Variants in TRPS1 observed in about 807,000 individuals in gnomAD.
The protein encoded by TRPS1 is zinc finger transcription factor Trps1.
TRPS1 carries 6 observed loss-of-function variants against 101.2 expected under a neutral mutation model. The ratio of observed to expected loss-of-function variants is 0.06; its 90% CI spans 0.03 to 0.12. TRPS1 has a LOEUF of 0.12. Among genes scored for constraint, TRPS1 ranks in the 10% least tolerant of loss-of-function variants. TRPS1 has a pLI of 1.00. For missense variants in TRPS1, 1,363 were observed against 1,567.0 expected (o/e 0.87, Z 2.20); for synonymous variants, 578 against 589.8 (o/e 0.98, Z 0.29).
intron 5 of TRPS1, among the ~76,000 whole-genome samples, chr8:115,507,082 A>C (rs1055769990): frequency 2.0e-5 from 3 of 152,130 alleles, no homozygotes; most frequent in Admixed American, 6.5e-5. Context: ...ACTCATTTCT[A>C]TTCACAAAGA....
intron 5 of TRPS1, among the ~76,000 whole-genome samples, chr8:115,549,433 T>C (rs1255923462): frequency 6.6e-6 from 1 of 152,184 alleles, no homozygotes; most frequent in Non-Finnish European, 1.5e-5. Flanking sequence ...CCATAAATTC[T>C]TCTAAGCAAA....
Position 115,604,075 on chromosome 8 carries a change from A to C in TRPS1, c.1894T>G (p.Cys632Gly), listed in dbSNP as rs2130490736. Residue 632 changes from cysteine (C) to glycine (G), a missense_variant, in exon 4 of 7, where the codon TGT becomes GGT. Coordinates refer to ENST00000395715, the MANE Select transcript of TRPS1 (RefSeq NM_014112.5). The surrounding 1 kb of genome is among the most constrained non-coding windows in gnomAD (Gnocchi z 4.1). ...TCTACGTCAGGGGTGGTGAATGAAC[A>C]CTGATGGCACTGATGTTTGACTCGC... ...SSRVKHQCHQ[C>G]SFTTPDVDVL... 6.2e-7 allele frequency: 1 copy of C among 1,614,066 alleles called. No individual in the cohort carries two copies. Among genetic ancestry groups the C allele is most frequent in the Non-Finnish European group, 8.5e-7 (1 of 1,179,980 alleles).
intron 5 of TRPS1, among the ~76,000 whole-genome samples, chr8:115,556,029 T>G (rs535272427): frequency 1.3e-5 from 2 of 151,734 alleles, no homozygotes; most frequent in South Asian, 4.2e-4. Flanking sequence ...TGAAAAAAAA[T>G]AAAATAAAAT....
chr8:115,525,361 C>G (rs1445354562), intron 5 of TRPS1, among the ~76,000 whole-genome samples: 2 of 151,916 alleles, frequency 1.3e-5, no homozygotes, highest in Non-Finnish European at 2.9e-5. Context: ...TACAGAGAAG[C>G]CAGGAAAGAA....
chr8:115,575,496 C>T (rs1468539773), intron 5 of TRPS1, among the ~76,000 whole-genome samples: 3 of 151,956 alleles, frequency 2.0e-5, no homozygotes, highest in African/African-American at 4.8e-5. Flanking sequence ...CTTCTTTTTG[C>T]TTGTTTATAT....
chr8:115,503,427 C>T (rs956703562), intron 5 of TRPS1, among the ~76,000 whole-genome samples: 11 of 151,950 alleles, frequency 7.2e-5, no homozygotes, highest in Non-Finnish European at 1.3e-4. Flanking sequence ...TTGGGTAAGG[C>T]TATCTTGATT....
At chr8:115,480,595 G>T (rs777749781) in intron 5 of TRPS1, among the ~76,000 whole-genome samples, 3 of 151,866 alleles carry the variant, frequency 2.0e-5, no homozygotes, top group Non-Finnish European at 2.9e-5. Context: ...TATCTGGAAG[G>T]CTATATCAAA....
intron 5 of TRPS1, among the ~76,000 whole-genome samples, chr8:115,464,067 G>A (rs1174694632): frequency 1.5e-5 from 2 of 133,762 alleles, no homozygotes; most frequent in African/African-American, 6.2e-5. Flanking sequence ...TTAGTACTTA[G>A]CTGTTGTTTA....
chr8:115,534,253 A>G (rs1373758147), intron 5 of TRPS1, among the ~76,000 whole-genome samples: 1 of 150,852 alleles, frequency 6.6e-6, no homozygotes. Flanking sequence ...TAACCCCGAT[A>G]CCATCACACT....
chr8:115,547,787 G>A (rs558254679), intron 5 of TRPS1, among the ~76,000 whole-genome samples: 151 of 152,058 alleles, frequency 9.9e-4, no homozygotes, highest in African/African-American at 3.6e-3. Flanking sequence ...CACTTATTTC[G>A]GTTTTCCTTT....
intron 5 of TRPS1, among the ~76,000 whole-genome samples, chr8:115,472,235 C>T (rs1814490272): frequency 6.6e-6 from 1 of 152,202 alleles, no homozygotes; most frequent in East Asian, 1.9e-4. Context: ...TAATCTAGGC[C>T]AATGTTCCCA....
chr8:115,473,328 G>A (rs1814519765), intron 5 of TRPS1, among the ~76,000 whole-genome samples: 1 of 152,122 alleles, frequency 6.6e-6, no homozygotes. Flanking sequence ...AGAGGGAAAT[G>A]CCCCTTATAA....
intron 1 of TRPS1, among the ~76,000 whole-genome samples, chr8:115,661,002 G>A (rs10955754): frequency 0.15 from 22,771 of 151,772 alleles, 5,341 homozygotes; most frequent in African/African-American, 0.5. Context: ...TCTACATAAC[G>A]TTTTGAGATG....
chr8:115,644,972 A>C (rs145325227), intron 1 of TRPS1, among the ~76,000 whole-genome samples: 60 of 152,282 alleles, frequency 3.9e-4, no homozygotes, highest in Admixed American at 5.9e-4. Flanking sequence ...CAAAACAATA[A>C]CAATAGTGAC....
intron 5 of TRPS1, among the ~76,000 whole-genome samples, chr8:115,517,411 C>T (rs983007824): frequency 4.0e-5 from 6 of 151,250 alleles, no homozygotes; most frequent in African/African-American, 7.3e-5. Context: ...GGAACTTATT[C>T]CTCATGCAAT....
chr8:115,643,130 T>C (rs1179926018), intron 1 of TRPS1, among the ~76,000 whole-genome samples: 1 of 152,200 alleles, frequency 6.6e-6, no homozygotes, highest in Non-Finnish European at 1.5e-5. Context: ...ACCTGAGTCT[T>C]GAGCAATTGG....
chr8:115,459,509 CAT>C (rs1158806615), intron 5 of TRPS1, among the ~76,000 whole-genome samples: 2 of 152,100 alleles, frequency 1.3e-5, no homozygotes, highest in African/African-American at 2.4e-5. Flanking sequence ...ACCAGAATCA[CAT>C]GAGGCTGAGA....
At chr8:115,462,730 G>T (rs1814218392) in intron 5 of TRPS1, among the ~76,000 whole-genome samples, 1 of 150,172 alleles carries the variant, frequency 6.7e-6, no homozygotes, top group Non-Finnish European at 1.5e-5. Flanking sequence ...AATCACTAGG[G>T]CTCTGTATTT....
intron 1 of TRPS1, among the ~76,000 whole-genome samples, chr8:115,665,698 T>C (rs965401135): frequency 1.3e-5 from 2 of 152,158 alleles, no homozygotes; most frequent in Non-Finnish European, 1.5e-5. Context: ...AAGTTCTAAA[T>C]TCAGCTCAGA....
Sources: gnomAD v4.1 joint callset for allele counts (sites outside exome capture counted in the v4.1 genomes callset) on GRCh38, gnomAD v4.1.1 for gene constraint, Gnocchi (gnomAD v3.1) non-coding constraint, MANE v1.5 for transcripts, NCBI Gene and HGNC (gene_info 2026-07-23, HGNC 2026-07-21) for gene names.